Variants in DPRX observed in about 807,000 individuals in gnomAD.
DPRX encodes divergent paired-related homeobox.
Under a neutral mutation model 8.4 loss-of-function variants are expected in DPRX, and 11 were observed. The observed-to-expected ratio is 1.31, with a 90% CI of 0.82 to 2.17. The LOEUF is 2.17. DPRX is among the 30% of genes most tolerant of loss of function. The pLI, the probability that DPRX is intolerant of heterozygous loss-of-function variation, is 0.00. For synonymous variants in DPRX, 72 were observed against 87.0 expected (o/e 0.83, Z 0.96); for missense variants, 211 against 236.7 (o/e 0.89, Z 0.71).
At position 53,632,172 on chromosome 19, in the gene DPRX, TGAA is replaced by T. The variant is rs777934102; in HGVS notation, c.28+43_28+45del. 12 of 1,613,260 alleles carry T rather than the reference TGAA, an allele frequency of 7.4e-6. No individual in the cohort carries two copies. The African/African-American group carries it at 1.6e-4, about 22-fold the overall frequency. On this transcript the variant is annotated intron_variant, in intron 1 of 2. Coordinates refer to ENST00000376650, the Ensembl canonical transcript of DPRX. ...AAATGAGAACCGAAGCAAAGACACG[TGAA>T]GAAGTGGAAAGCAGCTGGCGGCGGG... is the stretch of plus-strand genomic sequence containing the variant.
chr19:53,617,862 A>T, the DPRX span, among the ~76,000 whole-genome samples: 1 of 151,962 alleles, frequency 6.6e-6, no homozygotes, highest in African/African-American at 2.4e-5. Flanking sequence ...AATACAAGCC[A>T]GGCGCGGTGG....
At chr19:53,619,136 C>T in the DPRX span, among the ~76,000 whole-genome samples, 1 of 152,102 alleles carries the variant, frequency 6.6e-6, no homozygotes, top group Non-Finnish European at 1.5e-5. Context: ...AAAGCAGACA[C>T]TGATACAAAG....
At chr19:53,603,766 C>T in the DPRX span, among the ~76,000 whole-genome samples, 136 of 137,394 alleles carry the variant, frequency 9.9e-4, no homozygotes, top group Middle Eastern at 4.2e-3. Flanking sequence ...TTTTTTGAGA[C>T]GGAGTCTCAC....
chr19:53,636,864 A>G (rs1182829859), exon 3 of DPRX: 3 of 1,614,096 alleles, frequency 1.9e-6, no homozygotes, highest in African/African-American at 2.7e-5. Context: ...AGAATAGTCC[A>G]TTTTGGCTGC....
chr19:53,621,222 C>T, the DPRX span, among the ~76,000 whole-genome samples: 6 of 151,936 alleles, frequency 3.9e-5, no homozygotes, highest in African/African-American at 1.2e-4. Context: ...AGTCCCAACC[C>T]CCCGGGTTCA....
the DPRX span, among the ~76,000 whole-genome samples, chr19:53,610,151 C>CAAAAAAAAAAAAAAA: frequency 1.3e-5 from 1 of 77,734 alleles, no homozygotes; most frequent in Non-Finnish European, 2.2e-5. Flanking sequence ...AACTGTGTCT[C>CAAAAAAAAAAAAAAA]AAAAAAAAAA....
the DPRX span, among the ~76,000 whole-genome samples, chr19:53,612,009 G>A: frequency 5.9e-4 from 90 of 151,796 alleles, no homozygotes; most frequent in Middle Eastern, 3.4e-3. Context: ...GCTTGAATCC[G>A]GGAGGTGGAG....
At chr19:53,620,259 CAG>C in the DPRX span, among the ~76,000 whole-genome samples, 2 of 151,824 alleles carry the variant, frequency 1.3e-5, no homozygotes, top group Non-Finnish European at 2.9e-5. Context: ...TTAGTAGAGA[CAG>C]GGTTTCACCA....
the DPRX span, among the ~76,000 whole-genome samples, chr19:53,625,046 A>C: frequency 1.3e-5 from 2 of 149,084 alleles, no homozygotes; most frequent in Non-Finnish European, 3.0e-5. Context: ...ATAGCAGATC[A>C]AGGTGTCATC....
rs531651701 is a variant in DPRX, at chr19:53,632,598, T to G, written c.28+464T>G. Among the ~76,000 whole-genome samples, 11 of 152,004 alleles carry G rather than the reference T, an allele frequency of 7.2e-5. 1 individual carries two copies. In the South Asian group the frequency reaches 2.3e-3, roughly 32 times the overall value. On this transcript the variant is annotated intron_variant, in intron 1 of 2. Transcript: ENST00000376650. ...TGCTGGGGTGACAGGCGTGAGCCACTGCACCCGGCCCAAGTTTTGTATCTT... is the reference window on the plus strand; with the variant it reads ...TGCTGGGGTGACAGGCGTGAGCCACGGCACCCGGCCCAAGTTTTGTATCTT...
chr19:53,634,715 C>T (rs2091105868), intron 2 of DPRX, 30 bp downstream of exon 2: 6 of 1,599,346 alleles, frequency 3.8e-6, no homozygotes, highest in Middle Eastern at 1.7e-4. Context: ...TCTCACTAAA[C>T]TGCCTTCCTG....
upstream of DPRX, among the ~76,000 whole-genome samples, chr19:53,631,307 TAAATA>T (rs1234829373): frequency 2.7e-5 from 4 of 150,188 alleles, no homozygotes; most frequent in African/African-American, 9.8e-5. Flanking sequence ...AATAAATAAA[TAAATA>T]AAATGAGATG....
chr19:53,609,490 A>T, the DPRX span, among the ~76,000 whole-genome samples: 2 of 148,402 alleles, frequency 1.3e-5, no homozygotes, highest in East Asian at 4.0e-4. Context: ...AAAAAAAAAA[A>T]AAAAAAACAA....
intron 2 of DPRX, 109 bp from the exon 3 acceptor site, chr19:53,636,487 T>C: frequency 1.1e-6 from 1 of 934,612 alleles, no homozygotes; most frequent in African/African-American, 1.7e-5. Flanking sequence ...AGAATATAAA[T>C]AAATAAAATA....
upstream of DPRX, among the ~76,000 whole-genome samples, chr19:53,628,745 G>A (rs979043407): frequency 2.0e-5 from 3 of 151,686 alleles, no homozygotes; most frequent in Non-Finnish European, 4.4e-5. Context: ...ATGTGCCACC[G>A]CACCCGGCTA....
chr19:53,603,318 T>C, the DPRX span: 1 of 455,306 alleles, frequency 2.2e-6, no homozygotes, highest in Middle Eastern at 4.3e-4. Flanking sequence ...GCTATCAGGT[T>C]CAAAACACCC....
chr19:53,621,500 A>T, the DPRX span, among the ~76,000 whole-genome samples: 1 of 152,074 alleles, frequency 6.6e-6, no homozygotes, highest in African/African-American at 2.4e-5. Context: ...GATCTATATA[A>T]AATTTTCAAT....
the DPRX span, among the ~76,000 whole-genome samples, chr19:53,622,099 A>C: frequency 6.6e-6 from 1 of 152,108 alleles, no homozygotes; most frequent in African/African-American, 2.4e-5. Flanking sequence ...ACTAGTCTAT[A>C]ATCCATTCTT....
the DPRX span, among the ~76,000 whole-genome samples, chr19:53,625,208 G>A: frequency 6.6e-6 from 1 of 151,828 alleles, no homozygotes; most frequent in Admixed American, 6.6e-5. Context: ...ATGCCTCCAT[G>A]CCTGGCTAAT....
Sources: gnomAD v4.1 joint callset for allele counts (sites outside exome capture counted in the v4.1 genomes callset) on GRCh38, gnomAD v4.1.1 for gene constraint, MANE v1.5 for transcripts, NCBI Gene and HGNC (gene_info 2026-07-23, HGNC 2026-07-21) for gene names.